Variants in ZFP30 observed in about 807,000 individuals in gnomAD.
ZFP30 encodes zinc finger protein 30 homolog.
ZFP30 carries 16 observed loss-of-function variants against 12.3 expected under a neutral mutation model. The observed-to-expected ratio is 1.30, with a 90% CI of 0.88 to 1.98. The LOEUF (loss-of-function observed/expected upper bound fraction) is 1.98. Ranked by LOEUF, ZFP30 falls within the 30% of genes most tolerant of loss-of-function variation. The pLI is 0.00. For synonymous variants in ZFP30, 172 were observed against 201.0 expected (o/e 0.86, Z 1.22); for missense variants, 560 against 611.2 (o/e 0.92, Z 0.88).
chr19:37,654,485 A>C (rs2044712763), intron 2 of ZFP30, among the ~76,000 whole-genome samples: 1 of 152,214 alleles, frequency 6.6e-6, no homozygotes. Context: ...GCGCTCACAG[A>C]GTAATTGAAT....
intron 3 of ZFP30, among the ~76,000 whole-genome samples, chr19:37,646,325 T>G (rs1213287099): frequency 6.6e-6 from 1 of 152,196 alleles, no homozygotes; most frequent in Non-Finnish European, 1.5e-5. Context: ...TATTTAGATA[T>G]AGCTATACTT....
chr19:37,636,400 A>G (rs1599610066), intron 5 of ZFP30, 95 bp from the exon 6 acceptor site: 8 of 1,310,846 alleles, frequency 6.1e-6, no homozygotes, highest in East Asian at 2.6e-5. Context: ...AAAAAAAAAA[A>G]AAAGAAAAAG....
At chr19:37,647,957 T>A in intron 2 of ZFP30, 58 bp from the exon 3 acceptor site, 1 of 939,388 alleles carries the variant, frequency 1.1e-6, no homozygotes, top group Non-Finnish European at 1.6e-6. Context: ...TTCCAAATTT[T>A]AAAAACTGGT....
In ZFP30 at chr19:37,631,595, TATTA is replaced by T. The variant is rs1021048911; in HGVS notation, c.*3382_*3385del. Reference sequence around the variant, plus strand: ...CAATCATTTATAAGAACTCTGTCTTTATTAATTTTGAGAAGGTAATTTTAAGGTG... The same window carrying T: ...CAATCATTTATAAGAACTCTGTCTTTATTTTGAGAAGGTAATTTTAAGGTG... On this transcript the variant is annotated 3_prime_UTR_variant, in exon 6 of 6. Coordinates refer to ENST00000684514, the MANE Select transcript of ZFP30 (RefSeq NM_001320669.3). 6.6e-6 allele frequency: 1 copy of T among 151,994 alleles called. No individual in the cohort carries two copies. The highest frequency in any genetic ancestry group is 1.5e-5 in the Non-Finnish European group (1 of 67,974). The allele number at this position is 151,994 out of a possible 1,614,324, so 9.4% of individuals were successfully genotyped here.
chr19:37,638,425 G>GT (rs945551556), intron 5 of ZFP30, among the ~76,000 whole-genome samples: 17 of 152,176 alleles, frequency 1.1e-4, no homozygotes, highest in Admixed American at 6.5e-5. Context: ...GCAAAGAGAT[G>GT]TTTTTTGCAA....
rs556110104 is a variant in ZFP30, at chr19:37,631,178, G to A, written c.*3803C>T. The A allele has an allele frequency of 6.6e-6, 1 of 152,266 alleles. No individual in the cohort carries two copies. Among genetic ancestry groups the A allele is most frequent in the Admixed American group, 6.5e-5 (1 of 15,288 alleles). The allele number at this position is 152,266 out of a possible 1,614,324, so 9.4% of individuals were successfully genotyped here. On this transcript the variant is annotated 3_prime_UTR_variant, in exon 6 of 6. Transcript: ENST00000684514. ...GAACTTTCCACCTTTGCTGTCACCTGTTTTGGTTACAGCACTTATCTGTTA... is the reference window on the plus strand; with the variant it reads ...GAACTTTCCACCTTTGCTGTCACCTATTTTGGTTACAGCACTTATCTGTTA...
rs201932086 is a variant in ZFP30 at position 37,644,624 on chromosome 19, T to C, written c.122A>G (p.Asn41Ser). 3 of 1,606,794 alleles carry C rather than the reference T, an allele frequency of 1.9e-6. No individual in the cohort carries two copies. The highest frequency in any genetic ancestry group is 2.5e-6 in the Non-Finnish European group (3 of 1,177,254). The change falls in exon 4 of 6, where the codon AAC (asparagine) becomes AGC (serine). Residue 41 changes from asparagine (N) to serine (S), a missense_variant. Transcript: ENST00000684514. ...GCTAGGCTTACCCAGTGACACCAAGTTGCTATAGTTCTCTAATATCACATC... is the reference window on the plus strand; with the variant it reads ...GCTAGGCTTACCCAGTGACACCAAGCTGCTATAGTTCTCTAATATCACATC... ...YRDVILENYSNLVSLAGCSIS... is the reference protein window; with the variant it reads ...YRDVILENYSSLVSLAGCSIS...
rs1450949350 is a variant in ZFP30 at position 37,655,465 on chromosome 19, T to C, written c.-291A>G. 1.3e-5 allele frequency: 2 copies of C among 152,316 alleles called. No individual in the cohort carries two copies. The highest frequency in any genetic ancestry group is 2.4e-5 in the African/African-American group (1 of 41,450). The allele number at this position is 152,316 out of a possible 1,614,324, so 9.4% of individuals were successfully genotyped here. A position where few individuals can be genotyped will look rare whatever the true frequency, so the allele number is the denominator to read the frequency against. On this transcript the variant is annotated 5_prime_UTR_variant, in exon 1 of 6. Coordinates refer to ENST00000684514, the MANE Select transcript of ZFP30 (RefSeq NM_001320669.3). ...GCCCTGGGAGTCAGCGGCGCCAGAATACGGGAGAGCGCCTGTCTCCGTCGC... is the reference window on the plus strand; with the variant it reads ...GCCCTGGGAGTCAGCGGCGCCAGAACACGGGAGAGCGCCTGTCTCCGTCGC...
In ZFP30 at chr19:37,637,222, AAGAC is replaced by A. The variant is rs1279436510; in HGVS notation, c.236-921_236-918del. On this transcript the variant is annotated intron_variant, in intron 5 of 5. Transcript: ENST00000684514. ...TTTTTTCTTTTTTTTTTTTTTTTTA[AAGAC>A]AGAGTTTCGCTCTTGTTGCCCAAGC... 8.2e-5 allele frequency among the ~76,000 whole-genome samples: 12 copies of A among 145,570 alleles called. No individual in the cohort carries two copies. In the East Asian group the frequency reaches 1.2e-3, roughly 14 times the overall value.
chr19:37,636,690 C>T (rs777938314), intron 5 of ZFP30, among the ~76,000 whole-genome samples: 21 of 152,022 alleles, frequency 1.4e-4, no homozygotes, highest in Non-Finnish European at 2.6e-4. Context: ...CTCCTTTCTG[C>T]TCCTAGAATG....
intron 5 of ZFP30, among the ~76,000 whole-genome samples, chr19:37,643,052 CAAAA>C (rs951396776): frequency 1.6e-5 from 1 of 61,434 alleles, no homozygotes. Context: ...GACTCCGTCT[CAAAA>C]AAAAAAAAAA....
Position 37,637,360 on chromosome 19 carries a change from G to A in ZFP30, c.236-1055C>T, listed in dbSNP as rs73621514. The stretch of plus-strand genomic sequence containing the variant: ...GGTAGGATTACAGGCATGTGCCACC[G>A]CTGTATTTTTAGTAGAGATGGGGTT... On this transcript the variant is annotated intron_variant, in intron 5 of 5. Transcript: ENST00000684514. Among the ~76,000 whole-genome samples the A allele has an allele frequency of 6.0e-3, 896 of 150,578 alleles. 10 individuals are homozygous for A. The highest frequency in any genetic ancestry group is 0.021 in the African/African-American group (845 of 41,072).
Position 37,631,911 on chromosome 19 carries a change from C to T in ZFP30, c.*3070G>A, listed in dbSNP as rs190921999. 18 of 152,172 alleles carry T rather than the reference C, an allele frequency of 1.2e-4. No individual in the cohort carries two copies. The highest frequency in any genetic ancestry group is 3.1e-4 in the African/African-American group (13 of 41,514). 9.4% of individuals were successfully genotyped at this position (152,172 alleles called of 1,614,324 possible). A position where few individuals can be genotyped will look rare whatever the true frequency, so the allele number is the denominator to read the frequency against. On this transcript the variant is annotated 3_prime_UTR_variant, in exon 6 of 6. Transcript: ENST00000684514. Reference sequence around the variant, plus strand: ...TAGAATTACCAGATTTCTCTTCATACGGAAAATGTCTAGATTTTCGTTTTG... The same window carrying T: ...TAGAATTACCAGATTTCTCTTCATATGGAAAATGTCTAGATTTTCGTTTTG...
At chr19:37,643,475 G>A in intron 4 of ZFP30, 112 bp from the exon 5 acceptor site, 1 of 676,960 alleles carries the variant, frequency 1.5e-6, no homozygotes, top group Non-Finnish European at 2.1e-6. Flanking sequence ...GGATCACAAG[G>A]AAAAACAAGA....
intron 3 of ZFP30, among the ~76,000 whole-genome samples, chr19:37,646,991 G>A (rs1232948906): frequency 3.3e-5 from 5 of 152,010 alleles, no homozygotes; most frequent in Non-Finnish European, 7.4e-5. Context: ...TAAACTACAT[G>A]TGTTTCTTTT....
intron 3 of ZFP30, among the ~76,000 whole-genome samples, chr19:37,646,322 ATATAGC>A (rs1467362583): frequency 1.3e-5 from 2 of 152,184 alleles, no homozygotes; most frequent in African/African-American, 4.8e-5. Context: ...TTATATTTAG[ATATAGC>A]TATACTTTTA....
At chr19:37,637,210 T>TC (rs2044347487) in intron 5 of ZFP30, among the ~76,000 whole-genome samples, 1 of 151,052 alleles carries the variant, frequency 6.6e-6, no homozygotes. Context: ...TTTCTTTTTT[T>TC]TTTTTTTTTT....
intron 2 of ZFP30, among the ~76,000 whole-genome samples, chr19:37,648,673 G>A (rs183398743): frequency 3.9e-5 from 6 of 152,260 alleles, no homozygotes; most frequent in Admixed American, 2.0e-4. Flanking sequence ...GTTTCCAGGT[G>A]ATGCTGATGC....
intron 5 of ZFP30, among the ~76,000 whole-genome samples, chr19:37,642,456 C>T (rs1568383174): frequency 6.6e-6 from 1 of 152,174 alleles, no homozygotes; most frequent in African/African-American, 2.4e-5. Flanking sequence ...TCTAAAATTA[C>T]TCTATTCATT....
Sources: gnomAD v4.1 joint callset for allele counts (sites outside exome capture counted in the v4.1 genomes callset) on GRCh38, gnomAD v4.1.1 for gene constraint, MANE v1.5 for transcripts, NCBI Gene and HGNC (gene_info 2026-07-23, HGNC 2026-07-21) for gene names.